SPTBN5: variants seen among roughly 807,000 people sequenced by gnomAD.
SPTBN5 encodes spectrin beta, non-erythrocytic 5, also known as spectrin beta chain, non-erythrocytic 5.
A neutral mutation model predicts 477.6 loss-of-function variants in SPTBN5; 513 were observed. The observed-to-expected ratio is 1.07, with a 90% CI of 1.00 to 1.16. The LOEUF (loss-of-function observed/expected upper bound fraction) is 1.16, where lower values mean the gene tolerates loss of function less well. Ranked by LOEUF, SPTBN5 falls within the 50% of genes most tolerant of loss-of-function variation. SPTBN5 has a pLI of 0.00. For synonymous variants in SPTBN5, 2,169 were observed against 2,011.7 expected (o/e 1.08, Z -2.09); for missense variants, 5,062 against 4,731.8 (o/e 1.07, Z -2.05).
rs1015953400 is a variant in SPTBN5 at position 41,866,442 on chromosome 15, G to C, written c.6532C>G (p.Pro2178Ala). 5 of 1,605,462 alleles carry C rather than the reference G, an allele frequency of 3.1e-6. No homozygotes were observed. Among genetic ancestry groups the C allele is most frequent in the African/African-American group, 2.7e-5 (2 of 74,508 alleles). Residue 2178 changes from proline (P) to alanine (A), a missense_variant, in exon 37 of 68, where the codon CCT (proline) becomes GCT (alanine). By Grantham distance (27) the Pro-to-Ala change is conservative (BLOSUM62 -1). Transcript: ENST00000320955. Reference protein sequence around the residue: ...WAQQLKEPVPPGDLRDKLKPL... With the variant: ...WAQQLKEPVPAGDLRDKLKPL... ...TTCAGCTTATCTCTCAGGTCCCCAG[G>C]AGGGACCGGCTCCTTCAGCTGCTGG...
chr15:41,855,767 T>C (rs2065914874), intron 53 of SPTBN5, 22 bp from the exon 54 acceptor site: 1 of 1,543,280 alleles, frequency 6.5e-7, no homozygotes, highest in Non-Finnish European at 8.7e-7. Context: ...AGAGTGGAGA[T>C]CCGTTTTCCC....
chr15:41,851,991 G>T (rs1016833516), intron 62 of SPTBN5, 141 bp from the exon 63 acceptor site: 2 of 916,284 alleles, frequency 2.2e-6, no homozygotes, highest in South Asian at 1.7e-5. Context: ...TCTAAGATCA[G>T]ATGAGATCGG....
intron 16 of SPTBN5, among the ~76,000 whole-genome samples, 161 bp downstream of exon 16, chr15:41,879,099 C>T (rs1023669063): frequency 6.6e-6 from 1 of 152,152 alleles, no homozygotes; most frequent in Non-Finnish European, 1.5e-5. Context: ...CTCTTCCTGT[C>T]CCCAGGACCA....
At chr15:41,884,991 C>T (rs2067100567) in intron 7 of SPTBN5, among the ~76,000 whole-genome samples, 1 of 152,186 alleles carries the variant, frequency 6.6e-6, no homozygotes, top group South Asian at 2.1e-4. Flanking sequence ...GCCACTCAAA[C>T]TTAGCACCTC....
chr15:41,893,124 A>G, intron 2 of SPTBN5, 63 bp from the exon 3 acceptor site: 1 of 1,585,862 alleles, frequency 6.3e-7, no homozygotes. Flanking sequence ...CCATCCTGGG[A>G]CCTGAGAGGT....
intron 26 of SPTBN5, among the ~76,000 whole-genome samples, chr15:41,872,666 A>G (rs1235338836): frequency 6.6e-6 from 1 of 152,188 alleles, no homozygotes; most frequent in East Asian, 1.9e-4. Flanking sequence ...TAAAGTGAAC[A>G]CCTGGTCTGT....
intron 10 of SPTBN5, 21 bp downstream of exon 10, chr15:41,882,564 G>C (rs1448960861): frequency 3.1e-6 from 5 of 1,587,690 alleles, no homozygotes; most frequent in Non-Finnish European, 3.4e-6. Context: ...CGACCGGCGG[G>C]CGCGCTCGGG....
intron 2 of SPTBN5, 26 bp from the exon 3 acceptor site, chr15:41,893,087 G>C: frequency 6.2e-7 from 1 of 1,605,152 alleles, no homozygotes; most frequent in East Asian, 2.2e-5. Flanking sequence ...GGGTAAGTAT[G>C]GGGTCAGCCC....
chr15:41,885,825 A>T lies in SPTBN5; in HGVS notation c.1430T>A (p.Leu477Gln). 6.4e-7 allele frequency: 1 copy of T among 1,559,200 alleles called. No homozygotes were observed. The highest frequency in any genetic ancestry group is 8.7e-7 in the Non-Finnish European group (1 of 1,151,878). The change falls in exon 7 of 68, where the codon CTG becomes CAG. Residue 477 changes from leucine (L) to glutamine (Q), a missense_variant. Transcript: ENST00000320955. ...QRLGMLEAGILPQEGRFQALA... is the reference protein window; with the variant it reads ...QRLGMLEAGIQPQEGRFQALA... ...GGCCTGGAAGCGCCCCTCCTGGGGCAGGATGCCAGCCTCCAGCATGCCCAG... is the reference window on the plus strand; with the variant it reads ...GGCCTGGAAGCGCCCCTCCTGGGGCTGGATGCCAGCCTCCAGCATGCCCAG...
Position 41,868,520 on chromosome 15 carries a change from G to T in SPTBN5, c.5935C>A (p.Pro1979Thr). The change falls in exon 33 of 68, where the codon CCG (proline) becomes ACG (threonine). Residue 1979 changes from proline to threonine, a missense_variant. Physicochemically the swap from Pro to Thr is conservative, Grantham distance 38 (BLOSUM62 -1). Transcript: ENST00000320955. ...EESSQEPSSG[P>T]LKLSAHQWLR... ...CACTGGTGGGCACTGAGCTTCAGCGGGCCACTGCTAGGCTCTTGCGAACTC... is the reference window on the plus strand; with the variant it reads ...CACTGGTGGGCACTGAGCTTCAGCGTGCCACTGCTAGGCTCTTGCGAACTC... 6.2e-7 allele frequency: 1 copy of T among 1,609,576 alleles called. No individual in the cohort carries two copies.
At position 41,858,989 on chromosome 15, in the gene SPTBN5, A is replaced by G. The variant is rs780339050; in HGVS notation, c.7989-9T>C. ...TGAAGAGCGCCTCCTTCCTGCCAGG[A>G]GGAGAGGCTCATGGGCCTGGAGCCA... is the stretch of plus-strand genomic sequence containing the variant. On this transcript the variant is annotated splice_polypyrimidine_tract_variant and intron_variant, in intron 47 of 67. Coordinates refer to ENST00000320955, the MANE Select transcript of SPTBN5 (RefSeq NM_016642.4). 69 of 1,534,678 alleles carry G rather than the reference A, an allele frequency of 4.5e-5. 1 individual carries two copies. The South Asian group carries it at 6.0e-4, about 13-fold the overall frequency.
At chr15:41,881,007 G>A (rs758281765) in intron 13 of SPTBN5, 27 bp downstream of exon 13, 8 of 1,544,474 alleles carry the variant, frequency 5.2e-6, no homozygotes, top group South Asian at 2.4e-5. Context: ...GTAAGGACTC[G>A]AGCATTTCTT....
intron 67 of SPTBN5, 88 bp from the exon 68 acceptor site, chr15:41,848,716 C>A (rs1346442880): frequency 1.4e-6 from 2 of 1,472,994 alleles, no homozygotes; most frequent in African/African-American, 1.4e-5. Context: ...CTGCCCTCCC[C>A]TGGACCAGCC....
Position 41,874,915 on chromosome 15 carries a change from C to T in SPTBN5, c.4429G>A (p.Ala1477Thr). The T allele has an allele frequency of 6.2e-7, 1 of 1,613,340 alleles. No individual in the cohort carries two copies. Among genetic ancestry groups the T allele is most frequent in the Non-Finnish European group, 8.5e-7 (1 of 1,179,832 alleles). Reference protein sequence around the residue: ...ESRTLAAKMAALASMAHGMAA... With the variant: ...ESRTLAAKMATLASMAHGMAA... ...ATGCCATGGGCCATGGAGGCGAGGG[C>T]AGCCATCTTGGCAGCCAGGGTCCGG... The change falls in exon 23 of 68, where the codon GCC (alanine) becomes ACC (threonine). Residue 1477 changes from alanine to threonine, a missense_variant. Transcript: ENST00000320955.
At chr15:41,873,717 AG>A in intron 25 of SPTBN5, 109 bp from the exon 26 acceptor site, 1 of 1,460,810 alleles carries the variant, frequency 6.8e-7, no homozygotes, top group Non-Finnish European at 9.3e-7. Flanking sequence ...CTGTGCCCAT[AG>A]GGGCACCCAT....
intron 41 of SPTBN5, among the ~76,000 whole-genome samples, chr15:41,863,318 C>T (rs1450687780): frequency 6.6e-6 from 1 of 152,240 alleles, no homozygotes; most frequent in Non-Finnish European, 1.5e-5. Flanking sequence ...CTAACTCTGC[C>T]AGATTCCAGC....
At chr15:41,881,659 G>C (rs1379301017) in intron 12 of SPTBN5, among the ~76,000 whole-genome samples, 1 of 152,204 alleles carries the variant, frequency 6.6e-6, no homozygotes, top group South Asian at 2.1e-4. Context: ...CTTCCTGGAG[G>C]AAAGTGCTTA....
rs369098632 is a variant in SPTBN5, at chr15:41,877,127, C to T, written c.3700G>A (p.Asp1234Asn). Residue 1234 changes from aspartate to asparagine, a missense_variant, in exon 18 of 68, where the codon GAC (aspartate) becomes AAC (asparagine). Physicochemically the swap from Asp to Asn is conservative, Grantham distance 23 (BLOSUM62 1). Transcript: ENST00000320955. Reference sequence around the variant, plus strand: ...TTCCTGCTCCATACCCCAAGGTTGTCCAGGTGCAGCCAGGCCTGGTGGTTG... The same window carrying T: ...TTCCTGCTCCATACCCCAAGGTTGTTCAGGTGCAGCCAGGCCTGGTGGTTG... ...CANHQAWLHL[D>N]NLGEDVREAL... is the part of the protein sequence containing the mutation. 2.5e-6 allele frequency: 4 copies of T among 1,613,712 alleles called. No individual in the cohort carries two copies. In the African/African-American group the frequency reaches 5.3e-5, roughly 22 times the overall value.
At chr15:41,866,710 C>T (rs1212989270) in intron 36 of SPTBN5, among the ~76,000 whole-genome samples, 1 of 152,228 alleles carries the variant, frequency 6.6e-6, no homozygotes, top group Non-Finnish European at 1.5e-5. Flanking sequence ...GTGGCCCCTA[C>T]TCCTGGGGCC....
Sources: gnomAD v4.1 joint callset for allele counts (sites outside exome capture counted in the v4.1 genomes callset) on GRCh38, gnomAD v4.1.1 for gene constraint, MANE v1.5 for transcripts, NCBI Gene and HGNC (gene_info 2026-07-23, HGNC 2026-07-21) for gene names.